Variants in ADAMTS19 observed in about 807,000 individuals in gnomAD.
ADAMTS19 encodes A disintegrin and metalloproteinase with thrombospondin motifs 19.
Under a neutral mutation model 153.3 loss-of-function variants are expected in ADAMTS19, and 93 were observed. The observed-to-expected ratio is 0.61, with a 90% CI of 0.51 to 0.72. The LOEUF (loss-of-function observed/expected upper bound fraction) is 0.72. Among genes scored for constraint, ADAMTS19 ranks in the 30% least tolerant of loss-of-function variants. The pLI is 0.00. For missense variants in ADAMTS19, 1,482 were observed against 1,552.1 expected, an observed-to-expected ratio of 0.95 and a Z score of 0.76; for synonymous variants, 600 against 556.6, an observed-to-expected ratio of 1.08 and a Z score of -1.10.
rs564398441 is a variant in ADAMTS19 at position 129,548,138 on chromosome 5, C to G, written c.1329-3726C>G. On this transcript the variant is annotated intron_variant, in intron 6 of 22. Coordinates refer to ENST00000274487, the MANE Select transcript of ADAMTS19 (RefSeq NM_133638.6). ...GGGCAAAGACTTCATGTCTAAAACA[C>G]CAAAAGCAATGGCAACAAAAGCCAA... is the stretch of plus-strand genomic sequence containing the variant. 4.0e-5 allele frequency among the ~76,000 whole-genome samples: 6 copies of G among 150,578 alleles called. 1 individual carries two copies. Among genetic ancestry groups the G allele is most frequent in the African/African-American group, 1.5e-4 (6 of 40,034 alleles).
At chr5:129,699,748 G>A (rs1275695634) in intron 19 of ADAMTS19, among the ~76,000 whole-genome samples, 2 of 152,072 alleles carry the variant, frequency 1.3e-5, no homozygotes, top group Admixed American at 6.5e-5. Context: ...AATATCATGA[G>A]GTGAAAATAG....
rs1184566252 is a variant in ADAMTS19 at position 129,461,072 on chromosome 5, G to A, written c.92-30G>A. 2.2e-6 allele frequency: 3 copies of A among 1,353,268 alleles called. No individual in the cohort carries two copies. The highest frequency in any genetic ancestry group is 6.2e-5 in the East Asian group (2 of 32,492). 83.8% of individuals were successfully genotyped at this position (1,353,268 alleles called of 1,614,324 possible). Reference sequence around the variant, plus strand: ...TGCTACTGGAACCGCGGCACTTTAAGCCCCGCACTTCTGTCTGCCCCGCCC... The same window carrying A: ...TGCTACTGGAACCGCGGCACTTTAAACCCCGCACTTCTGTCTGCCCCGCCC... On this transcript the variant is annotated intron_variant, in intron 1 of 22. Transcript: ENST00000274487. This position sits in a 1 kb window ranked among gnomAD's most constrained non-coding sequence, Gnocchi z 4.6.
chr5:129,592,021 A>G (rs188925275), intron 7 of ADAMTS19, among the ~76,000 whole-genome samples: 1 of 152,196 alleles, frequency 6.6e-6, no homozygotes, highest in Non-Finnish European at 1.5e-5. Flanking sequence ...TACATGACTC[A>G]TTTTTAGTTG....
At chr5:129,538,235 A>G (rs953079283) in intron 6 of ADAMTS19, among the ~76,000 whole-genome samples, 1 of 152,124 alleles carries the variant, frequency 6.6e-6, no homozygotes, top group African/African-American at 2.4e-5. Context: ...ATTAGCTTAT[A>G]GTCCCACTAC....
chr5:129,519,991 T>C (rs1751741505), intron 3 of ADAMTS19, among the ~76,000 whole-genome samples: 2 of 152,118 alleles, frequency 1.3e-5, no homozygotes, highest in African/African-American at 4.8e-5. Context: ...AAAGTTAAAA[T>C]GAAGATTTCT....
chr5:129,539,122 C>G (rs1393326933), intron 6 of ADAMTS19, among the ~76,000 whole-genome samples: 1 of 152,048 alleles, frequency 6.6e-6, no homozygotes, highest in Non-Finnish European at 1.5e-5. Flanking sequence ...AATGTCCCTC[C>G]TCCCCAAATA....
chr5:129,512,768 TCTCATTTTATAAACTATCCCC>T (rs1193651450), intron 3 of ADAMTS19, among the ~76,000 whole-genome samples: 1 of 152,068 alleles, frequency 6.6e-6, no homozygotes, highest in South Asian at 2.1e-4. Flanking sequence ...ATAAAAAGCC[TCTCATTTTATAAACTATCCCC>T]CTCATTTTAT....
intron 2 of ADAMTS19, among the ~76,000 whole-genome samples, chr5:129,479,539 T>A (rs1224306470): frequency 6.6e-6 from 1 of 152,138 alleles, no homozygotes; most frequent in Non-Finnish European, 1.5e-5. Context: ...GCAAAGCTGT[T>A]TTTTATTCAC....
At chr5:129,647,498 T>C (rs967024312) in intron 11 of ADAMTS19, among the ~76,000 whole-genome samples, 4 of 152,286 alleles carry the variant, frequency 2.6e-5, no homozygotes, top group East Asian at 1.9e-4. Flanking sequence ...ATCTTTACCC[T>C]GTCTCCATCA....
chr5:129,714,325 A>G (rs1756616969), intron 21 of ADAMTS19, among the ~76,000 whole-genome samples: 2 of 148,616 alleles, frequency 1.3e-5, no homozygotes, highest in Admixed American at 1.4e-4. Context: ...AGGCTGAGGC[A>G]GGAGAATGGC....
rs1175781128 is a variant in ADAMTS19, at chr5:129,608,101, T to C, written c.1478+11437T>C. ...GGAATTTTATATATATGTGTGTGTG[T>C]GTGTGTGTGTGTGTGTATATATATA... is the stretch of plus-strand genomic sequence containing the variant. On this transcript the variant is annotated intron_variant, in intron 8 of 22. Transcript: ENST00000274487. 6.1e-4 allele frequency among the ~76,000 whole-genome samples: 41 copies of C among 66,682 alleles called. No homozygotes were observed. In the South Asian group the frequency reaches 0.018, roughly 29 times the overall value. The allele number at this position is 66,682 out of a possible 152,430, so 43.7% of individuals were successfully genotyped here.
chr5:129,671,554 A>T (rs188924126), intron 16 of ADAMTS19, among the ~76,000 whole-genome samples: 179 of 152,314 alleles, frequency 1.2e-3, no homozygotes, highest in Non-Finnish European at 2.0e-3. Flanking sequence ...AGAAAATAGA[A>T]CCTTGGCAAA....
chr5:129,517,196 A>G (rs1751644020), intron 3 of ADAMTS19, among the ~76,000 whole-genome samples: 1 of 151,890 alleles, frequency 6.6e-6, no homozygotes, highest in South Asian at 2.1e-4. Flanking sequence ...TTGTTTTATG[A>G]TGTAGCATAT....
chr5:129,513,915 A>C (rs1751515694), intron 3 of ADAMTS19, among the ~76,000 whole-genome samples: 1 of 152,014 alleles, frequency 6.6e-6, no homozygotes, highest in African/African-American at 2.4e-5. Context: ...CCCATTAACC[A>C]TCCCCACCTC....
rs1233181049 is a variant in ADAMTS19, at chr5:129,694,862, C to A, written c.2954+7C>A. The A allele has an allele frequency of 6.3e-7, 1 of 1,575,844 alleles. No individual in the cohort carries two copies. The highest frequency in any genetic ancestry group is 1.4e-5 in the African/African-American group (1 of 73,356). On this transcript the variant is annotated splice_region_variant and intron_variant, in intron 19 of 22. Coordinates refer to ENST00000274487, the MANE Select transcript of ADAMTS19 (RefSeq NM_133638.6). The stretch of plus-strand genomic sequence containing the variant: ...AGCAACCATGTCAAACAAGGTAACT[C>A]TATTCCAAGGGCCCTTAAAGCATTA...
At chr5:129,656,000 C>A (rs1263433024) in intron 14 of ADAMTS19, among the ~76,000 whole-genome samples, 1 of 152,160 alleles carries the variant, frequency 6.6e-6, no homozygotes, top group East Asian at 1.9e-4. Context: ...GTAGAGCTTT[C>A]ATCTCATCAT....
At chr5:129,544,530 G>T (rs1239858897) in intron 6 of ADAMTS19, among the ~76,000 whole-genome samples, 1 of 152,112 alleles carries the variant, frequency 6.6e-6, no homozygotes, top group Admixed American at 6.6e-5. Context: ...TAGATAATCA[G>T]AAAATGTTCC....
At chr5:129,518,770 C>T (rs1359937260) in intron 3 of ADAMTS19, among the ~76,000 whole-genome samples, 4 of 151,832 alleles carry the variant, frequency 2.6e-5, no homozygotes, top group Admixed American at 2.6e-4. Flanking sequence ...TTTGTAAAAA[C>T]TTTCTACCTT....
rs981749350 is a variant in ADAMTS19 at position 129,620,910 on chromosome 5, G to C, written c.1619+152G>C. 7.1e-6 allele frequency: 5 copies of C among 700,320 alleles called. No homozygotes were observed. In the Admixed American group the frequency reaches 1.2e-4, roughly 17 times the overall value. The allele number at this position is 700,320 out of a possible 1,614,324, so 43.4% of individuals were successfully genotyped here. A position where few individuals can be genotyped will look rare whatever the true frequency, so the allele number is the denominator to read the frequency against. On this transcript the variant is annotated intron_variant, in intron 9 of 22. Coordinates refer to ENST00000274487, the MANE Select transcript of ADAMTS19 (RefSeq NM_133638.6). ...ATCCTGGCTTTTCCATTAACTCATG[G>C]TGTAGTTTGGGACATGTTATTTAAC...
Sources: allele counts gnomAD v4.1 joint callset (sites outside exome capture counted in the v4.1 genomes callset), GRCh38; gene constraint gnomAD v4.1.1; non-coding constraint Gnocchi (gnomAD v3.1); transcripts MANE v1.5; gene names NCBI Gene and HGNC (gene_info 2026-07-23, HGNC 2026-07-21).